Variants in ABCC4 observed in about 807,000 individuals in gnomAD.
ABCC4 encodes ATP-binding cassette sub-family C member 4.
Under a neutral mutation model 168.5 loss-of-function variants are expected in ABCC4, and 102 were observed. That is an observed-to-expected ratio of 0.61 (90% CI 0.52 to 0.71). The LOEUF (loss-of-function observed/expected upper bound fraction) is 0.71, where lower values mean the gene tolerates loss of function less well. Among genes scored for constraint, ABCC4 ranks in the 30% least tolerant of loss-of-function variants. The pLI is 0.00. For synonymous variants in ABCC4, 617 were observed against 590.7 expected (o/e 1.04, Z -0.65); for missense variants, 1,402 against 1,605.8 (o/e 0.87, Z 2.17).
At chr13:95,213,715 A>G (rs1296162348) in intron 4 of ABCC4, among the ~76,000 whole-genome samples, 1 of 152,184 alleles carries the variant, frequency 6.6e-6, no homozygotes, top group African/African-American at 2.4e-5. Flanking sequence ...TGCACTTGGA[A>G]TAAGTTCAGA....
chr13:95,179,234 G>A (rs184291512), intron 11 of ABCC4, among the ~76,000 whole-genome samples: 1 of 152,052 alleles, frequency 6.6e-6, no homozygotes, highest in Non-Finnish European at 1.5e-5. Context: ...TCAGAGAAGG[G>A]ATAACACCCG....
intron 19 of ABCC4, among the ~76,000 whole-genome samples, chr13:95,150,025 G>C (rs2036621871): frequency 6.6e-6 from 1 of 152,118 alleles, no homozygotes; most frequent in Non-Finnish European, 1.5e-5. Context: ...AGGCTTGGGG[G>C]GGCAATACAG....
chr13:95,135,970 T>A (rs898936685), intron 19 of ABCC4, among the ~76,000 whole-genome samples: 2 of 152,088 alleles, frequency 1.3e-5, no homozygotes, highest in African/African-American at 4.8e-5. Flanking sequence ...AGAATTCCAG[T>A]TTCAATCTCT....
chr13:95,117,119 C>T (rs2035404801), intron 19 of ABCC4, among the ~76,000 whole-genome samples: 1 of 152,176 alleles, frequency 6.6e-6, no homozygotes, highest in Non-Finnish European at 1.5e-5. Context: ...ATTTTCTTGT[C>T]TCAGGCTTCG....
intron 3 of ABCC4, among the ~76,000 whole-genome samples, chr13:95,242,472 C>T (rs906612555): frequency 2.0e-5 from 3 of 152,058 alleles, no homozygotes; most frequent in South Asian, 2.1e-4. Context: ...GTGATCCGCC[C>T]GCCTTGGCCT....
intron 19 of ABCC4, among the ~76,000 whole-genome samples, chr13:95,125,355 T>C (rs535493322): frequency 2.8e-4 from 42 of 152,350 alleles, no homozygotes; most frequent in Non-Finnish European, 4.9e-4. Context: ...AGGCCTCTTC[T>C]GATAGGCTAC....
intron 3 of ABCC4, among the ~76,000 whole-genome samples, chr13:95,242,503 G>C (rs1022163980): frequency 5.9e-5 from 9 of 152,026 alleles, no homozygotes; most frequent in African/African-American, 2.2e-4. Flanking sequence ...TGGGATTACA[G>C]GCGTGAGCCA....
intron 8 of ABCC4, among the ~76,000 whole-genome samples, chr13:95,196,681 GAA>G (rs1566515961): frequency 2.0e-5 from 1 of 50,132 alleles, no homozygotes; most frequent in East Asian, 4.6e-4. Flanking sequence ...AGGAAGGAAG[GAA>G]GGAAGGAAGG....
At chr13:95,191,096 G>A (rs190189194) in intron 9 of ABCC4, among the ~76,000 whole-genome samples, 2 of 152,248 alleles carry the variant, frequency 1.3e-5, no homozygotes, top group Admixed American at 6.5e-5. Context: ...CTGAGCTGGC[G>A]CAGCCCACAG....
chr13:95,096,894 T>C (rs891264824), intron 20 of ABCC4, among the ~76,000 whole-genome samples: 2 of 152,120 alleles, frequency 1.3e-5, no homozygotes, highest in African/African-American at 4.8e-5. Context: ...TGTGAATAAA[T>C]ATAAAACACA....
intron 1 of ABCC4, among the ~76,000 whole-genome samples, chr13:95,278,286 T>G (rs2041023126): frequency 1.3e-5 from 2 of 152,142 alleles, no homozygotes; most frequent in African/African-American, 4.8e-5. Context: ...TCATATTATG[T>G]ATAATATGAA....
rs565385297 is a variant in ABCC4 at position 95,301,319 on chromosome 13, C to T, written c.-5G>A. 6 of 1,584,846 alleles carry T rather than the reference C, an allele frequency of 3.8e-6. No homozygotes were observed. The highest frequency in any genetic ancestry group is 5.1e-6 in the Non-Finnish European group (6 of 1,167,094). On this transcript the variant is annotated 5_prime_UTR_variant, in exon 1 of 31. Coordinates refer to ENST00000645237, the MANE Select transcript of ABCC4 (RefSeq NM_005845.5). ...CTCCTGGTACACGGGCAGCATCTTG[C>T]CGGGCGGGGCGGGCGCGGGCCGGGG...
chr13:95,173,622 G>T (rs1453390114), intron 13 of ABCC4, among the ~76,000 whole-genome samples: 1 of 152,148 alleles, frequency 6.6e-6, no homozygotes, highest in Non-Finnish European at 1.5e-5. Flanking sequence ...AAGGTGAATG[G>T]GGCAGACTGC....
At chr13:95,075,699 A>G (rs1238453379) in intron 21 of ABCC4, 148 bp from the exon 22 acceptor site, 2 of 1,019,540 alleles carry the variant, frequency 2.0e-6, no homozygotes, top group East Asian at 2.6e-5. Flanking sequence ...AATGTTCCCA[A>G]TAGCCTGAGG....
intron 19 of ABCC4, among the ~76,000 whole-genome samples, chr13:95,150,410 G>A (rs1288365221): frequency 1.3e-5 from 2 of 152,156 alleles, no homozygotes; most frequent in African/African-American, 4.8e-5. Context: ...AACAAGACAT[G>A]AAAGGAAAAT....
chr13:95,068,013 A>G (rs1791022297), intron 25 of ABCC4, among the ~76,000 whole-genome samples: 1 of 152,192 alleles, frequency 6.6e-6, no homozygotes, highest in Non-Finnish European at 1.5e-5. Flanking sequence ...TCTTCTGTGA[A>G]TTAGAAACCT....
At chr13:95,261,913 C>T (rs930096391) in intron 1 of ABCC4, among the ~76,000 whole-genome samples, 1 of 149,904 alleles carries the variant, frequency 6.7e-6, no homozygotes, top group Non-Finnish European at 1.5e-5. Flanking sequence ...GCCTGGGCAA[C>T]ATAGTGAGAC....
chr13:95,043,089 CTG>C (rs1027622114), intron 29 of ABCC4, among the ~76,000 whole-genome samples: 9 of 152,150 alleles, frequency 5.9e-5, no homozygotes, highest in Non-Finnish European at 1.0e-4. Context: ...AAAATTATCA[CTG>C]TTTCCCTTCA....
At chr13:95,139,331 C>T (rs1297138832) in intron 19 of ABCC4, among the ~76,000 whole-genome samples, 1 of 152,224 alleles carries the variant, frequency 6.6e-6, no homozygotes, top group Admixed American at 6.5e-5. Flanking sequence ...AGGAGGTCAC[C>T]AAACGTTGAT....
Sources: gnomAD v4.1 joint callset for allele counts (sites outside exome capture counted in the v4.1 genomes callset) on GRCh38, gnomAD v4.1.1 for gene constraint, MANE v1.5 for transcripts, NCBI Gene and HGNC (gene_info 2026-07-23, HGNC 2026-07-21) for gene names.